ESRRA: variants seen among roughly 807,000 people sequenced by gnomAD.
ESRRA encodes estrogen related receptor alpha.
A neutral mutation model predicts 35.6 loss-of-function variants in ESRRA; 7 were observed. The observed-to-expected ratio is 0.20, with a 90% confidence interval of 0.11 to 0.37. The LOEUF is 0.37. Among genes scored for constraint, ESRRA ranks in the 10% least tolerant of loss-of-function variants. The pLI is 1.00. For missense variants in ESRRA, 378 were observed against 561.7 expected, an observed-to-expected ratio of 0.67 and a Z score of 3.31; for synonymous variants, 223 against 246.9, an observed-to-expected ratio of 0.90 and a Z score of 0.91.
intron 3 of ESRRA, 71 bp downstream of exon 3, chr11:64,314,138 G>C (rs1187712423): frequency 1.3e-6 from 2 of 1,553,246 alleles, no homozygotes; most frequent in African/African-American, 2.7e-5. Flanking sequence ...GGTGAGGCCT[G>C]GGAGTTCTGG....
At chr11:64,314,107 C>A in intron 3 of ESRRA, 40 bp downstream of exon 3, 1 of 1,552,668 alleles carries the variant, frequency 6.4e-7, no homozygotes, top group Non-Finnish European at 8.7e-7. Context: ...CTGGGGGAGT[C>A]GGGGACCCGG....
At chr11:64,315,294 A>G in intron 6 of ESRRA, 24 bp downstream of exon 6, 1 of 1,528,904 alleles carries the variant, frequency 6.5e-7, no homozygotes, top group Non-Finnish European at 8.8e-7. Flanking sequence ...AGGCACTGAC[A>G]GGTGAGGTGT....
At position 64,316,002 on chromosome 11, in the gene ESRRA, C is replaced by A; in HGVS notation, c.*36C>A. The A allele has an allele frequency of 1.3e-6, 2 of 1,537,944 alleles. No individual in the cohort carries two copies. The highest frequency in any genetic ancestry group is 1.2e-5 in the South Asian group (1 of 80,342). On this transcript the variant is annotated 3_prime_UTR_variant, in exon 7 of 7. Transcript: ENST00000000442. ...GGGACTGGTGGGGGTTCTGGCAGGACCTGCCTAGCATGGGGTCAGCCCCAA... is the reference window on the plus strand; with the variant it reads ...GGGACTGGTGGGGGTTCTGGCAGGAACTGCCTAGCATGGGGTCAGCCCCAA...
chr11:64,314,645 A>C, intron 4 of ESRRA, 96 bp from the exon 5 acceptor site: 1 of 1,257,266 alleles, frequency 8.0e-7, no homozygotes, highest in Non-Finnish European at 1.1e-6. Context: ...GCTGCTACTG[A>C]GGAAGGCCAC....
intron 4 of ESRRA, 45 bp downstream of exon 4, chr11:64,314,412 T>C (rs529893260): frequency 6.7e-7 from 1 of 1,495,522 alleles, no homozygotes; most frequent in East Asian, 2.5e-5. Context: ...CGGAGGCCTA[T>C]GTGTGGCATC....
intron 2 of ESRRA, among the ~76,000 whole-genome samples, chr11:64,308,106 G>A (rs572194303): frequency 7.9e-5 from 12 of 152,138 alleles, no homozygotes; most frequent in Non-Finnish European, 1.3e-4. Flanking sequence ...CGGCCAGGCT[G>A]GTCTGGAATT....
chr11:64,315,112 C>A lies in ESRRA; in HGVS notation c.854C>A (p.Ala285Asp). 6.2e-7 allele frequency: 1 copy of A among 1,612,290 alleles called. No individual in the cohort carries two copies. Among genetic ancestry groups the A allele is most frequent in the Non-Finnish European group, 8.5e-7 (1 of 1,180,020 alleles). The change falls in exon 6 of 7, where the codon GCC (alanine) becomes GAC (aspartate). Residue 285 changes from alanine to aspartate, a missense_variant. By Grantham distance (126) the Ala-to-Asp change is moderately radical. Around this residue, in one of 4 missense-constraint regions of ESRRA, gnomAD observed 284 missense variants for 411.7 expected, o/e 0.69. Coordinates refer to ENST00000000442, the MANE Select transcript of ESRRA (RefSeq NM_004451.5). ...QRSLPLQDEL[A>D]FAEDLVLDEE... ...TCACTGCCACTGCAGGATGAGCTGG[C>A]CTTCGCTGAGGACTTAGTCCTGGAT...
rs746798366 is a variant in ESRRA at position 64,314,996 on chromosome 11, C to A, written c.743-5C>A. On this transcript the variant is annotated splice_polypyrimidine_tract_variant and splice_region_variant and intron_variant, in intron 5 of 6. Coordinates refer to ENST00000000442, the MANE Select transcript of ESRRA (RefSeq NM_004451.5). ...CAGCCAGGCCCGCTCCCCGCTGCCC[C>A]CTAGGCTTCTCATCGCTGTCGCTGT... The A allele has an allele frequency of 8.2e-6, 13 of 1,589,754 alleles. No individual in the cohort carries two copies. The South Asian group carries it at 9.0e-5, about 11-fold the overall frequency.
rs1198026361 is a variant in ESRRA, at chr11:64,313,525, G to C, written c.326-426G>C. On this transcript the variant is annotated intron_variant, in intron 2 of 6. Transcript: ENST00000000442. This position sits in a 1 kb window ranked among gnomAD's most constrained non-coding sequence, Gnocchi z 4.0. ...GGCTGGTGCGGTGGGAGGAAAACCA[G>C]AGTGTATGCTGTCCTAGAAGCAAAA... 6.6e-6 allele frequency among the ~76,000 whole-genome samples: 1 copy of C among 152,194 alleles called. No homozygotes were observed. The highest frequency in any genetic ancestry group is 1.5e-5 in the Non-Finnish European group (1 of 68,024).
chr11:64,315,412 C>A, intron 6 of ESRRA, 142 bp downstream of exon 6: 1 of 1,078,872 alleles, frequency 9.3e-7, no homozygotes, highest in South Asian at 1.7e-5. Flanking sequence ...AGTCAAAAAG[C>A]AAGCCAAGTG....
chr11:64,312,253 C>T (rs2035155682), intron 2 of ESRRA, among the ~76,000 whole-genome samples: 1 of 152,052 alleles, frequency 6.6e-6, no homozygotes, highest in South Asian at 2.1e-4. Flanking sequence ...GATTCTCCTG[C>T]CTCAGCCTCC....
At position 64,315,334 on chromosome 11, in the gene ESRRA, ACGGTAG is replaced by A; in HGVS notation, c.1012+66_1012+71del. On this transcript the variant is annotated intron_variant, in intron 6 of 6. Coordinates refer to ENST00000000442, the MANE Select transcript of ESRRA (RefSeq NM_004451.5). ...GTAAGGTCTTCAGGTTAACTCAGTG[ACGGTAG>A]CACAGCCCCATTTTGCAGATAACGA... 1.1e-5 allele frequency: 17 copies of A among 1,480,036 alleles called. No homozygotes were observed. In the South Asian group the frequency reaches 2.3e-4, roughly 20 times the overall value. 91.7% of individuals were successfully genotyped at this position (1,480,036 alleles called of 1,614,324 possible). A position where few individuals can be genotyped will look rare whatever the true frequency, so the allele number is the denominator to read the frequency against.
intron 6 of ESRRA, 21 bp downstream of exon 6, chr11:64,315,291 G>T: frequency 6.5e-7 from 1 of 1,533,090 alleles, no homozygotes; most frequent in South Asian, 1.3e-5. Flanking sequence ...GGCAGGCACT[G>T]ACAGGTGAGG....
At position 64,315,687 on chromosome 11, in the gene ESRRA, A is replaced by T. The variant is rs370016729; in HGVS notation, c.1013-20A>T. ...GCCAGAGATAGCCCAGGCCAACACC[A>T]CATTCCTCTCTTCTTGCAGACTCTG... On this transcript the variant is annotated intron_variant, in intron 6 of 6. Transcript: ENST00000000442. The T allele has an allele frequency of 6.2e-7, 1 of 1,612,732 alleles. No homozygotes were observed. The highest frequency in any genetic ancestry group is 1.1e-5 in the South Asian group (1 of 90,996).
At position 64,313,159 on chromosome 11, in the gene ESRRA, G is replaced by T. The variant is rs533818738; in HGVS notation, c.326-792G>T. On this transcript the variant is annotated intron_variant, in intron 2 of 6. Transcript: ENST00000000442. This position sits in a 1 kb window ranked among gnomAD's most constrained non-coding sequence, Gnocchi z 4.0. ...AAGTAGTTGCCAGGGGCAGGAGGCG[G>T]ATTCTGGACCTTGGAGGAGGTAAAG... Among the ~76,000 whole-genome samples, 39 of 152,310 alleles carry T rather than the reference G, an allele frequency of 2.6e-4. No individual in the cohort carries two copies. The highest frequency in any genetic ancestry group is 8.7e-4 in the African/African-American group (36 of 41,564).
At chr11:64,310,952 C>G (rs1283628395) in intron 2 of ESRRA, among the ~76,000 whole-genome samples, 1 of 152,214 alleles carries the variant, frequency 6.6e-6, no homozygotes. Flanking sequence ...CGGGTATCTC[C>G]TACCTACCCT....
Position 64,305,858 on chromosome 11 carries a change from C to G in ESRRA, c.-13+122C>G, listed in dbSNP as rs941896497. 2 of 152,014 alleles carry G rather than the reference C, an allele frequency of 1.3e-5. No homozygotes were observed. The highest frequency in any genetic ancestry group is 4.8e-5 in the African/African-American group (2 of 41,308). The allele number at this position is 152,014 out of a possible 1,614,324, so 9.4% of individuals were successfully genotyped here. A position where few individuals can be genotyped will look rare whatever the true frequency, so the allele number is the denominator to read the frequency against. ...GGCGGGGTCCGACTCTGGGGCCAGT[C>G]CGGGCCACGGTTGGGACCCAGTCGA... On this transcript the variant is annotated intron_variant, in intron 1 of 6. Transcript: ENST00000000442. This position sits in a 1 kb window ranked among gnomAD's most constrained non-coding sequence, Gnocchi z 5.8.
Position 64,315,768 on chromosome 11 carries a change from C to T in ESRRA, c.1074C>T (p.Ala358=), listed in dbSNP as rs2135262814. ...VEQLREALHE[A]LLEYEAGRAG... is the part of the protein sequence containing the mutation. The stretch of plus-strand genomic sequence containing the variant: ...AGCTGCGAGAAGCTCTGCACGAGGC[C>T]CTGCTGGAGTATGAAGCCGGCCGGG... The change falls in exon 7 of 7, where the codon GCC becomes GCT. Residue 358 remains alanine, a synonymous_variant. Coordinates refer to ENST00000000442, the MANE Select transcript of ESRRA (RefSeq NM_004451.5). 6.2e-7 allele frequency: 1 copy of T among 1,613,874 alleles called. No individual in the cohort carries two copies. The highest frequency in any genetic ancestry group is 1.3e-5 in the African/African-American group (1 of 75,074).
At chr11:64,314,508 C>T in intron 4 of ESRRA, 141 bp downstream of exon 4, 1 of 1,156,960 alleles carries the variant, frequency 8.6e-7, no homozygotes, top group Non-Finnish European at 1.2e-6. Flanking sequence ...CTGCCTTTTC[C>T]TGCATCAGGA....
Sources: allele counts gnomAD v4.1 joint callset (sites outside exome capture counted in the v4.1 genomes callset), GRCh38; gene constraint gnomAD v4.1.1; regional missense constraint gnomAD v4.1.1; non-coding constraint Gnocchi (gnomAD v3.1); transcripts MANE v1.5; gene names NCBI Gene and HGNC (gene_info 2026-07-23, HGNC 2026-07-21).